Variants in ZHX2 observed in about 807,000 individuals in gnomAD.
ZHX2 encodes zinc fingers and homeoboxes 2.
ZHX2 carries 6 observed loss-of-function variants against 21.9 expected under a neutral mutation model. The ratio of observed to expected loss-of-function variants is 0.27; its 90% confidence interval spans 0.15 to 0.54. The LOEUF (loss-of-function observed/expected upper bound fraction) is 0.54. Ranked by LOEUF, ZHX2 falls within the 20% of genes least tolerant of loss-of-function variation. The probability of loss-of-function intolerance (pLI) is 0.95; values close to 1 mark genes in which losing one functional copy is unlikely to be tolerated. For missense variants in ZHX2, 908 were observed against 1,090.7 expected, an observed-to-expected ratio of 0.83 and a Z score of 2.36; for synonymous variants, 434 against 437.1, an observed-to-expected ratio of 0.99 and a Z score of 0.09.
chr8:122,908,661 C>CTG (rs36094904), intron 2 of ZHX2, among the ~76,000 whole-genome samples: 9,051 of 152,188 alleles, frequency 0.059, 767 homozygotes, highest in African/African-American at 0.19. Flanking sequence ...TAACAAATAT[C>CTG]TTTCTCATGC....
chr8:122,848,037 C>T (rs1818793280), intron 1 of ZHX2, among the ~76,000 whole-genome samples: 1 of 152,184 alleles, frequency 6.6e-6, no homozygotes, highest in South Asian at 2.1e-4. Context: ...AGAAAGTCCG[C>T]CGCAGGGAGC....
chr8:122,957,507 GC>G, intron 3 of ZHX2, among the ~76,000 whole-genome samples: 1 of 151,948 alleles, frequency 6.6e-6, no homozygotes, highest in Non-Finnish European at 1.5e-5. Flanking sequence ...TTCCTCTGTG[GC>G]CCAGGCTGGA....
chr8:122,895,148 A>G (rs779638519), intron 2 of ZHX2, among the ~76,000 whole-genome samples: 6 of 152,174 alleles, frequency 3.9e-5, no homozygotes, highest in Non-Finnish European at 5.9e-5. Context: ...ATTGCAATTA[A>G]TGTTGACATT....
chr8:122,796,545 C>T (rs1411982988), intron 1 of ZHX2, among the ~76,000 whole-genome samples: 4 of 152,178 alleles, frequency 2.6e-5, no homozygotes, highest in Non-Finnish European at 4.4e-5. Context: ...AATAGAATAG[C>T]AGACCATTCT....
intron 1 of ZHX2, among the ~76,000 whole-genome samples, chr8:122,833,470 T>G (rs992068303): frequency 1.3e-5 from 2 of 152,094 alleles, no homozygotes. Context: ...TGGTGTTCTG[T>G]GACTGAAGGT....
intron 1 of ZHX2, among the ~76,000 whole-genome samples, chr8:122,830,569 T>C (rs1818354027): frequency 6.6e-6 from 1 of 152,178 alleles, no homozygotes; most frequent in African/African-American, 2.4e-5. Flanking sequence ...TCTTGAGAGA[T>C]GGGTTGGTAT....
chr8:122,824,170 G>A (rs1437478431), intron 1 of ZHX2, among the ~76,000 whole-genome samples: 1 of 152,150 alleles, frequency 6.6e-6, no homozygotes, highest in African/African-American at 2.4e-5. Context: ...TGTCCACCCT[G>A]TGGAAACCTG....
At chr8:122,869,670 C>T (rs12681352) in intron 2 of ZHX2, among the ~76,000 whole-genome samples, 36,110 of 152,224 alleles carry the variant, frequency 0.24, 5,212 homozygotes, top group East Asian at 0.38. Context: ...TCTGAGCATC[C>T]GTGGATCTTA....
At position 122,964,267 on chromosome 8, in the gene ZHX2, G is replaced by A. The variant is rs114227725; in HGVS notation, c.*5-8975G>A. Among the ~76,000 whole-genome samples the A allele has an allele frequency of 2.1e-3, 321 of 152,226 alleles. 2 individuals carry two copies. The highest frequency in any genetic ancestry group is 7.5e-3 in the African/African-American group (311 of 41,540). Reference sequence around the variant, plus strand: ...TCAACTTTTCCCCATTTAATGTAATGTTGGCTGTGGGTTTGTCATAGATGG... The same window carrying A: ...TCAACTTTTCCCCATTTAATGTAATATTGGCTGTGGGTTTGTCATAGATGG... On this transcript the variant is annotated intron_variant, in intron 3 of 3. Coordinates refer to ENST00000314393, the MANE Select transcript of ZHX2 (RefSeq NM_014943.5).
intron 2 of ZHX2, among the ~76,000 whole-genome samples, chr8:122,931,022 T>C (rs1355749822): frequency 6.6e-6 from 1 of 152,092 alleles, no homozygotes; most frequent in Non-Finnish European, 1.5e-5. Context: ...ATAGGGCACG[T>C]CTTCCACTAG....
At chr8:122,862,545 G>GGTACGATT (rs1425748624) in intron 1 of ZHX2, among the ~76,000 whole-genome samples, 1 of 152,168 alleles carries the variant, frequency 6.6e-6, no homozygotes, top group African/African-American at 2.4e-5. Context: ...GCTCCCAGCC[G>GGTACGATT]GTACGATTGC....
intron 2 of ZHX2, among the ~76,000 whole-genome samples, chr8:122,900,175 G>C (rs974775848): frequency 2.0e-5 from 3 of 152,148 alleles, no homozygotes; most frequent in Non-Finnish European, 2.9e-5. Context: ...CTGAGGTTAG[G>C]TAATTTATAA....
At chr8:122,873,729 A>G (rs1819500958) in intron 2 of ZHX2, among the ~76,000 whole-genome samples, 1 of 152,208 alleles carries the variant, frequency 6.6e-6, no homozygotes, top group Admixed American at 6.5e-5. Context: ...AATGGGTCTC[A>G]CTGAGCTGAA....
rs776567312 is a variant in ZHX2 at position 122,953,873 on chromosome 8, C to T, written c.2363C>T (p.Ser788Leu). 2.6e-5 allele frequency: 42 copies of T among 1,614,032 alleles called. No individual in the cohort carries two copies. The highest frequency in any genetic ancestry group is 6.7e-5 in the Admixed American group (4 of 60,000). Residue 788 changes from serine (S) to leucine (L), a missense_variant, in exon 3 of 4, where the codon TCG (serine) becomes TTG (leucine). Transcript: ENST00000314393. This position sits in a 1 kb window ranked among gnomAD's most constrained non-coding sequence, Gnocchi z 4.6. ...DGQGSDENEESSVVDYVEVTV... is the reference protein window; with the variant it reads ...DGQGSDENEELSVVDYVEVTV... Reference sequence around the variant, plus strand: ...CAGGGTAGCGACGAGAACGAGGAGTCGAGCGTTGTGGATTACGTGGAGGTG... The same window carrying T: ...CAGGGTAGCGACGAGAACGAGGAGTTGAGCGTTGTGGATTACGTGGAGGTG...
intron 2 of ZHX2, among the ~76,000 whole-genome samples, chr8:122,949,456 A>T (rs1421716726): frequency 6.6e-6 from 1 of 152,264 alleles, no homozygotes; most frequent in African/African-American, 2.4e-5. Flanking sequence ...TAAAAATGAC[A>T]TAAGCAGACA....
At chr8:122,865,219 C>T (rs1180657536) in intron 2 of ZHX2, among the ~76,000 whole-genome samples, 1 of 151,944 alleles carries the variant, frequency 6.6e-6, no homozygotes, top group African/African-American at 2.4e-5. Context: ...AGTTCCGCCT[C>T]CCAGGTTCAT....
At chr8:122,846,350 T>C (rs577974666) in intron 1 of ZHX2, among the ~76,000 whole-genome samples, 4 of 152,200 alleles carry the variant, frequency 2.6e-5, no homozygotes, top group Non-Finnish European at 5.9e-5. Context: ...TCTTATTCTC[T>C]TGCTCCTGGG....
At chr8:122,818,556 A>G (rs11777569) in intron 1 of ZHX2, among the ~76,000 whole-genome samples, 30,397 of 152,076 alleles carry the variant, frequency 0.2, 3,318 homozygotes, top group East Asian at 0.3. Flanking sequence ...AGGGGTGGCC[A>G]TGAGGCCTAA....
At chr8:122,919,179 T>A (rs970741884) in intron 2 of ZHX2, among the ~76,000 whole-genome samples, 31 of 152,232 alleles carry the variant, frequency 2.0e-4, no homozygotes, top group Admixed American at 3.9e-4. Context: ...ATCCAGTTCT[T>A]CTTTCACTTT....
Sources: allele counts gnomAD v4.1 joint callset (sites outside exome capture counted in the v4.1 genomes callset), GRCh38; gene constraint gnomAD v4.1.1; non-coding constraint Gnocchi (gnomAD v3.1); transcripts MANE v1.5; gene names NCBI Gene and HGNC (gene_info 2026-07-23, HGNC 2026-07-21).